AMBRA1: variants seen among roughly 807,000 people sequenced by gnomAD.
AMBRA1 encodes the protein activating molecule in BECN1-regulated autophagy protein 1.
In AMBRA1, 47 loss-of-function variants were observed where a neutral mutation model predicts 125.4. That is an observed-to-expected ratio of 0.37 (90% CI 0.30 to 0.48). The LOEUF (loss-of-function observed/expected upper bound fraction) is 0.48. AMBRA1 is among the 20% of genes least tolerant of loss of function. The pLI is 0.99. For missense variants in AMBRA1, 1,331 were observed against 1,693.4 expected (o/e 0.79, Z 3.76); for synonymous variants, 626 against 655.5 (o/e 0.95, Z 0.69).
chr11:46,458,920 A>G (rs1669597663), intron 11 of AMBRA1, among the ~76,000 whole-genome samples: 1 of 152,254 alleles, frequency 6.6e-6, no homozygotes, highest in African/African-American at 2.4e-5. Context: ...TATTAGAGGG[A>G]CTGGCTGAAT....
chr11:46,532,795 A>T (rs1479463967), intron 7 of AMBRA1, among the ~76,000 whole-genome samples: 1 of 152,212 alleles, frequency 6.6e-6, no homozygotes, highest in South Asian at 2.1e-4. Context: ...ACAGGAAATA[A>T]GAAATACTTT....
intron 1 of AMBRA1, among the ~76,000 whole-genome samples, chr11:46,584,532 TAAAAAGA>T (rs2135325243): frequency 6.7e-6 from 1 of 149,154 alleles, no homozygotes; most frequent in South Asian, 2.1e-4. Context: ...ATAATAATAA[TAAAAAGA>T]AAAAAAACAA....
intron 11 of AMBRA1, among the ~76,000 whole-genome samples, chr11:46,455,178 C>T (rs1031510580): frequency 7.9e-5 from 12 of 152,190 alleles, no homozygotes; most frequent in Admixed American, 5.9e-4. Flanking sequence ...TAAGCCACTG[C>T]ACCCAGCATA....
intron 11 of AMBRA1, among the ~76,000 whole-genome samples, chr11:46,448,090 A>C (rs1481413875): frequency 2.6e-5 from 4 of 152,228 alleles, no homozygotes; most frequent in African/African-American, 9.7e-5. Flanking sequence ...ATAGTGTGCC[A>C]GGGCCAAGAG....
chr11:46,508,157 G>A (rs1308186891), intron 9 of AMBRA1, 34 bp downstream of exon 9: 1 of 1,611,236 alleles, frequency 6.2e-7, no homozygotes, highest in East Asian at 2.2e-5. Context: ...AGCTTGAGAG[G>A]AGAGGGAAGA....
intron 1 of AMBRA1, among the ~76,000 whole-genome samples, chr11:46,585,695 A>AAAAAATAT (rs1555017410): frequency 4.4e-5 from 1 of 22,902 alleles, no homozygotes; most frequent in African/African-American, 1.8e-4. Context: ...AAAAAAAAAA[A>AAAAAATAT]ATATATATAT....
intron 1 of AMBRA1, among the ~76,000 whole-genome samples, chr11:46,585,614 T>C (rs1402524259): frequency 3.7e-5 from 4 of 107,848 alleles, no homozygotes; most frequent in Non-Finnish European, 7.0e-5. Context: ...TGCAGTGAGC[T>C]GAGATCACGC....
intron 1 of AMBRA1, among the ~76,000 whole-genome samples, chr11:46,567,659 C>G (rs959898533): frequency 6.6e-6 from 1 of 152,116 alleles, no homozygotes; most frequent in African/African-American, 2.4e-5. Flanking sequence ...CCGTGCCCAG[C>G]CTTTTAAGAT....
At chr11:46,493,791 C>T in intron 10 of AMBRA1, 83 bp from the exon 11 acceptor site, 1 of 1,088,778 alleles carries the variant, frequency 9.2e-7, no homozygotes, top group Non-Finnish European at 1.3e-6. Context: ...AAAATCTGGG[C>T]TAAGGGACCC....
chr11:46,422,900 C>T (rs755721480), intron 14 of AMBRA1, among the ~76,000 whole-genome samples: 3 of 152,062 alleles, frequency 2.0e-5, no homozygotes, highest in Admixed American at 1.3e-4. Context: ...CTGGAGGAAG[C>T]GGACAACTGG....
At position 46,593,996 on chromosome 11, in the gene AMBRA1, C is replaced by A. The variant is rs1354691202; in HGVS notation, c.-289G>T. On this transcript the variant is annotated 5_prime_UTR_variant, in exon 1 of 18. Transcript: ENST00000683756. ...AACTCAGCCCTCGACCCGGCGCCGC[C>A]GCCGCTCAGGAGACATCAAGCAAGA... 22 of 398,530 alleles carry A rather than the reference C, an allele frequency of 5.5e-5. No individual in the cohort carries two copies. The highest frequency in any genetic ancestry group is 4.5e-4 in the African/African-American group (22 of 48,642). 24.7% of individuals were successfully genotyped at this position (398,530 alleles called of 1,614,324 possible).
chr11:46,483,609 G>C (rs1417761516), intron 11 of AMBRA1, among the ~76,000 whole-genome samples: 1 of 152,122 alleles, frequency 6.6e-6, no homozygotes, highest in Non-Finnish European at 1.5e-5. Flanking sequence ...GTTTTAAAAA[G>C]GAGGAGGCTG....
chr11:46,406,913 G>C (rs1946048138), intron 17 of AMBRA1, among the ~76,000 whole-genome samples: 1 of 151,490 alleles, frequency 6.6e-6, no homozygotes. Flanking sequence ...AGGCACGGTG[G>C]CTCACGCCTT....
intron 2 of AMBRA1, 88 bp downstream of exon 2, chr11:46,548,158 T>C (rs926353469): frequency 6.4e-7 from 1 of 1,562,228 alleles, no homozygotes; most frequent in African/African-American, 1.4e-5. Context: ...GATAAATATA[T>C]CCCAACTCTC....
At chr11:46,550,240 A>C (rs74648942) in intron 1 of AMBRA1, among the ~76,000 whole-genome samples, 46 of 152,340 alleles carry the variant, frequency 3.0e-4, no homozygotes, top group African/African-American at 1.1e-3. Context: ...TATTTCCTGT[A>C]AACAGCAGGT....
intron 1 of AMBRA1, chr11:46,549,194 T>A (rs1261005395): frequency 1.3e-5 from 2 of 152,158 alleles, no homozygotes; most frequent in African/African-American, 4.8e-5. Flanking sequence ...AGCAGCACAA[T>A]ACACACAAGT....
intron 11 of AMBRA1, among the ~76,000 whole-genome samples, chr11:46,476,666 G>A (rs1350899516): frequency 1.3e-5 from 2 of 152,146 alleles, no homozygotes; most frequent in Non-Finnish European, 2.9e-5. Context: ...TGCAAAATAA[G>A]CTATACAACA....
chr11:46,447,146 C>T (rs137996141), intron 11 of AMBRA1, among the ~76,000 whole-genome samples: 1 of 152,086 alleles, frequency 6.6e-6, no homozygotes, highest in African/African-American at 2.4e-5. Context: ...TGGTGGCTCA[C>T]GCCCATAACC....
intron 11 of AMBRA1, among the ~76,000 whole-genome samples, chr11:46,480,742 A>G (rs935365279): frequency 6.6e-6 from 1 of 152,232 alleles, no homozygotes; most frequent in Non-Finnish European, 1.5e-5. Flanking sequence ...TGGAAGCTAC[A>G]TACATGAAAA....
Sources: gnomAD v4.1 joint callset for allele counts (sites outside exome capture counted in the v4.1 genomes callset) on GRCh38, gnomAD v4.1.1 for gene constraint, MANE v1.5 for transcripts, NCBI Gene and HGNC (gene_info 2026-07-23, HGNC 2026-07-21) for gene names.